Variants in ZHX3 observed in about 807,000 individuals in gnomAD.
The protein encoded by ZHX3 is zinc fingers and homeoboxes 3, also known as zinc fingers and homeoboxes protein 3.
In ZHX3, 20 loss-of-function variants were observed where a neutral mutation model predicts 64.5. That is an observed-to-expected ratio of 0.31 (90% CI 0.22 to 0.45). The LOEUF (loss-of-function observed/expected upper bound fraction) is 0.45. ZHX3 is among the 20% of genes least tolerant of loss of function. ZHX3 has a pLI of 1.00. For missense variants in ZHX3, 1,041 were observed against 1,195.8 expected (o/e 0.87, Z 1.91); for synonymous variants, 423 against 461.6 (o/e 0.92, Z 1.07).
intron 1 of ZHX3, among the ~76,000 whole-genome samples, chr20:41,310,304 C>G (rs1307167864): frequency 6.6e-6 from 1 of 152,194 alleles, no homozygotes; most frequent in Non-Finnish European, 1.5e-5. Flanking sequence ...AGGTTCATTA[C>G]CCACTCTTCT....
In ZHX3 at chr20:41,204,706, T is replaced by C; in HGVS notation, c.211A>G (p.Thr71Ala). The change falls in exon 3 of 4, where the codon ACT becomes GCT. Residue 71 changes from threonine (T) to alanine (A), a missense_variant. Physicochemically the swap from Thr to Ala is moderately conservative, Grantham distance 58 (BLOSUM62 0). Transcript: ENST00000683867. The surrounding 1 kb of genome is among the most constrained non-coding windows in gnomAD (Gnocchi z 6.6). ...GSTLANGHRSTLDGYLYSCKY... is the reference protein window; with the variant it reads ...GSTLANGHRSALDGYLYSCKY... ...CAGGAATATAAATAGCCATCTAAAG[T>C]GCTCCGATGCCCATTGGCCAGTGTA... The C allele has an allele frequency of 6.2e-7, 1 of 1,614,268 alleles. No homozygotes were observed. Among genetic ancestry groups the C allele is most frequent in the Admixed American group, 1.7e-5 (1 of 60,026 alleles).
intron 1 of ZHX3, among the ~76,000 whole-genome samples, chr20:41,311,886 A>T (rs1480131154): frequency 1.3e-5 from 2 of 152,222 alleles, no homozygotes; most frequent in Admixed American, 1.3e-4. Flanking sequence ...ATAACTATTC[A>T]AAATGTTCTG....
At chr20:41,248,515 G>A (rs2041825754) in intron 2 of ZHX3, among the ~76,000 whole-genome samples, 1 of 152,184 alleles carries the variant, frequency 6.6e-6, no homozygotes, top group Non-Finnish European at 1.5e-5. Flanking sequence ...ACTGAAAGCA[G>A]GCAGCAGGAG....
intron 1 of ZHX3, among the ~76,000 whole-genome samples, chr20:41,315,549 G>A (rs559074279): frequency 1.3e-5 from 2 of 152,098 alleles, no homozygotes; most frequent in African/African-American, 4.8e-5. Flanking sequence ...GTTCGGAAGA[G>A]GGTTAGCCTG....
intron 2 of ZHX3, among the ~76,000 whole-genome samples, chr20:41,222,111 C>T (rs1254800703): frequency 6.6e-6 from 1 of 152,180 alleles, no homozygotes; most frequent in Admixed American, 6.5e-5. Context: ...AGTAGGGAAA[C>T]TTGTCAGACA....
chr20:41,203,771 A>G lies in ZHX3; in HGVS notation c.1146T>C (p.Ser382=), dbSNP rs1053877108. 2 of 1,614,264 alleles carry G rather than the reference A, an allele frequency of 1.2e-6. No individual in the cohort carries two copies. Among genetic ancestry groups the G allele is most frequent in the Non-Finnish European group, 8.5e-7 (1 of 1,180,050 alleles). The change falls in exon 3 of 4, where the codon TCT becomes TCC. Residue 382 remains serine (S), a synonymous_variant. Coordinates refer to ENST00000683867, the MANE Select transcript of ZHX3 (RefSeq NM_001384317.1). This position sits in a 1 kb window ranked among gnomAD's most constrained non-coding sequence, Gnocchi z 7.1. ...RKKMFNTVIQ[S]VPQPTITVLN... ...GAACCGTAATTGTGGGCTGAGGCAC[A>G]GACTGGATGACTGTATTGAACATCT...
chr20:41,301,616 A>C (rs2044809095), intron 1 of ZHX3, among the ~76,000 whole-genome samples: 1 of 152,092 alleles, frequency 6.6e-6, no homozygotes, highest in Non-Finnish European at 1.5e-5. Context: ...TCGAGGCAGG[A>C]GCCTCTTCAT....
intron 1 of ZHX3, among the ~76,000 whole-genome samples, chr20:41,303,279 G>C (rs1283628538): frequency 6.6e-6 from 1 of 152,186 alleles, no homozygotes; most frequent in Non-Finnish European, 1.5e-5. Context: ...ACTGAACTAA[G>C]GTACAAGGGT....
At chr20:41,186,341 C>T (rs951653680) in intron 3 of ZHX3, among the ~76,000 whole-genome samples, 1 of 152,062 alleles carries the variant, frequency 6.6e-6, no homozygotes, top group Non-Finnish European at 1.5e-5. Context: ...AATTTTATTC[C>T]TTTTTTGGCT....
At position 41,203,302 on chromosome 20, in the gene ZHX3, G is replaced by A. The variant is rs1185539624; in HGVS notation, c.1615C>T (p.Arg539Trp). 3 of 1,614,106 alleles carry A rather than the reference G, an allele frequency of 1.9e-6. No homozygotes were observed. The highest frequency in any genetic ancestry group is 1.7e-6 in the Non-Finnish European group (2 of 1,180,014). Residue 539 changes from arginine (R) to tryptophan (W), a missense_variant, in exon 3 of 4, where the codon CGG (arginine) becomes TGG (tryptophan). By Grantham distance (101) the Arg-to-Trp change is moderately radical. Transcript: ENST00000683867. This position sits in a 1 kb window ranked among gnomAD's most constrained non-coding sequence, Gnocchi z 7.1. ...KVTGLSTREVRKWFSDRRYHC... is the reference protein window; with the variant it reads ...KVTGLSTREVWKWFSDRRYHC... ...TATCTACGATCACTGAACCATTTCC[G>A]CACCTCTCTGGTACTGAGGCCCGTC...
intron 3 of ZHX3, among the ~76,000 whole-genome samples, chr20:41,197,808 C>T (rs1334670780): frequency 6.6e-6 from 1 of 152,062 alleles, no homozygotes; most frequent in Non-Finnish European, 1.5e-5. Context: ...TCTGTTTTTA[C>T]AATGCACTAA....
At chr20:41,230,548 G>T (rs2040540612) in intron 2 of ZHX3, among the ~76,000 whole-genome samples, 1 of 152,114 alleles carries the variant, frequency 6.6e-6, no homozygotes, top group African/African-American at 2.4e-5. Context: ...GAGATGTACT[G>T]TAAATGTAAA....
intron 2 of ZHX3, among the ~76,000 whole-genome samples, chr20:41,250,624 G>A (rs1227961256): frequency 6.6e-6 from 1 of 152,152 alleles, no homozygotes; most frequent in African/African-American, 2.4e-5. Flanking sequence ...GGCTGAAAGA[G>A]TATTCAAAAA....
rs1166910908 is a variant in ZHX3 at position 41,185,141 on chromosome 20, G to A, written c.*50C>T. 6.3e-7 allele frequency: 1 copy of A among 1,597,602 alleles called. No homozygotes were observed. The highest frequency in any genetic ancestry group is 2.2e-5 in the East Asian group (1 of 44,500). Reference sequence around the variant, plus strand: ...AGAGTCGGGTTTGGCTCTTCCACGTGGCAGGCGGTTTCCCAGACTGGCCAG... The same window carrying A: ...AGAGTCGGGTTTGGCTCTTCCACGTAGCAGGCGGTTTCCCAGACTGGCCAG... On this transcript the variant is annotated 3_prime_UTR_variant, in exon 4 of 4. Transcript: ENST00000683867. The surrounding 1 kb of genome is among the most constrained non-coding windows in gnomAD (Gnocchi z 5.0).
chr20:41,295,609 GT>G (rs1346155042), intron 1 of ZHX3, among the ~76,000 whole-genome samples: 1 of 152,158 alleles, frequency 6.6e-6, no homozygotes, highest in Non-Finnish European at 1.5e-5. Context: ...GCTCACGCCT[GT>G]AATCCCAGCA....
Position 41,204,342 on chromosome 20 carries a change from C to T in ZHX3, c.575G>A (p.Gly192Asp), listed in dbSNP as rs200058524. 3.7e-6 allele frequency: 6 copies of T among 1,614,192 alleles called. No individual in the cohort carries two copies. Among genetic ancestry groups the T allele is most frequent in the Non-Finnish European group, 5.1e-6 (6 of 1,180,038 alleles). Reference protein sequence around the residue: ...TKTPIMKIMKGKAEAKKIHTL... With the variant: ...TKTPIMKIMKDKAEAKKIHTL... Reference sequence around the variant, plus strand: ...ATGAATTTTTTTGGCTTCAGCTTTGCCTTTCATTATCTTCATGATTGGAGT... The same window carrying T: ...ATGAATTTTTTTGGCTTCAGCTTTGTCTTTCATTATCTTCATGATTGGAGT... The change falls in exon 3 of 4, where the codon GGC becomes GAC. Residue 192 changes from glycine (G) to aspartate (D), a missense_variant. By Grantham distance (94) the Gly-to-Asp change is moderately conservative. Transcript: ENST00000683867. This position sits in a 1 kb window ranked among gnomAD's most constrained non-coding sequence, Gnocchi z 6.6.
At chr20:41,313,513 A>G (rs1247493301) in intron 1 of ZHX3, among the ~76,000 whole-genome samples, 1 of 152,176 alleles carries the variant, frequency 6.6e-6, no homozygotes, top group Non-Finnish European at 1.5e-5. Context: ...GCCCACACAA[A>G]CATAGAACTG....
intron 1 of ZHX3, among the ~76,000 whole-genome samples, chr20:41,286,525 G>C (rs1236551037): frequency 6.6e-6 from 1 of 152,098 alleles, no homozygotes; most frequent in African/African-American, 2.4e-5. Context: ...TCTTATATGA[G>C]AACTCTTGGA....
chr20:41,300,062 TTTCA>T (rs1177008543), intron 1 of ZHX3: 2 of 152,354 alleles, frequency 1.3e-5, no homozygotes, highest in East Asian at 3.9e-4. Context: ...GAAGCTCATC[TTTCA>T]TTCAGTCTAT....
Sources: allele counts gnomAD v4.1 joint callset (sites outside exome capture counted in the v4.1 genomes callset), GRCh38; gene constraint gnomAD v4.1.1; non-coding constraint Gnocchi (gnomAD v3.1); transcripts MANE v1.5; gene names NCBI Gene and HGNC (gene_info 2026-07-23, HGNC 2026-07-21).